ATP13A4: variants seen among roughly 807,000 people sequenced by gnomAD.
ATP13A4 encodes ATPase 13A4.
ATP13A4 carries 114 observed loss-of-function variants against 142.5 expected under a neutral mutation model. That is an observed-to-expected ratio of 0.80 (90% confidence interval 0.69 to 0.93). The LOEUF is 0.93. Ranked by LOEUF, ATP13A4 falls within the 40% of genes least tolerant of loss-of-function variation. The pLI is 0.00. For synonymous variants in ATP13A4, 488 were observed against 514.8 expected (o/e 0.95, Z 0.70); for missense variants, 1,392 against 1,454.0 (o/e 0.96, Z 0.69).
chr3:193,451,197 T>C (rs1717254849), intron 17 of ATP13A4, among the ~76,000 whole-genome samples: 1 of 152,148 alleles, frequency 6.6e-6, no homozygotes, highest in Non-Finnish European at 1.5e-5. Flanking sequence ...CTTCCAATCT[T>C]TCTCATGGTC....
rs372074888 is a variant in ATP13A4 at position 193,564,984 on chromosome 3, C to T, written n.291+16723G>A. ...TGCCTGATGAACTGTCACTGTTTCC[C>T]GTCACTCCCAGATGGCACTGTCTAG... On this transcript the variant is annotated intron_variant and non_coding_transcript_variant, in intron 2 of 3. Transcript: ENST00000489140. Among the ~76,000 whole-genome samples, 113 of 152,276 alleles carry T rather than the reference C, an allele frequency of 7.4e-4. 1 individual carries two copies. The highest frequency in any genetic ancestry group is 2.6e-3 in the African/African-American group (109 of 41,554).
intron 13 of ATP13A4, among the ~76,000 whole-genome samples, chr3:193,461,592 T>C (rs907317644): frequency 2.0e-5 from 3 of 152,238 alleles, no homozygotes; most frequent in Non-Finnish European, 2.9e-5. Flanking sequence ...CTAGATAGCA[T>C]TTTAATATGA....
chr3:193,429,492 A>T (rs1715855558), intron 25 of ATP13A4, among the ~76,000 whole-genome samples: 1 of 152,148 alleles, frequency 6.6e-6, no homozygotes, highest in Admixed American at 6.6e-5. Flanking sequence ...GATGCATGTT[A>T]CAAAATGGAT....
At position 193,514,717 on chromosome 3, in the gene ATP13A4, G is replaced by A. The variant is rs763803019; in HGVS notation, c.215C>T (p.Thr72Ile). Residue 72 changes from threonine to isoleucine, a missense_variant, in exon 2 of 30, where the codon ACT (threonine) becomes ATT (isoleucine). Transcript: ENST00000342695. The part of the protein sequence containing the change: ...CVPCSLQEAD[T>I]VLLRTTDEFQ... ...ACTTACCGTTGTCCTCAGCAACACAGTGTCTGCTTCTTGCAAGGAACATGG... is the reference window on the plus strand; with the variant it reads ...ACTTACCGTTGTCCTCAGCAACACAATGTCTGCTTCTTGCAAGGAACATGG... 2.5e-6 allele frequency: 4 copies of A among 1,614,172 alleles called. No homozygotes were observed. The highest frequency in any genetic ancestry group is 3.4e-6 in the Non-Finnish European group (4 of 1,180,034).
chr3:193,457,222 C>T (rs965970972), intron 15 of ATP13A4, 69 bp from the exon 16 acceptor site: 1 of 1,594,808 alleles, frequency 6.3e-7, no homozygotes, highest in Non-Finnish European at 8.6e-7. Context: ...ATTAACCACT[C>T]CTTCCGTAAT....
chr3:193,483,779 G>C (rs920174705), intron 8 of ATP13A4, among the ~76,000 whole-genome samples, 157 bp downstream of exon 8: 2 of 151,108 alleles, frequency 1.3e-5, no homozygotes, highest in East Asian at 3.9e-4. Flanking sequence ...TAGTTTTTAA[G>C]GTAAAAAAAA....
chr3:193,512,094 CT>C (rs1721170432), intron 2 of ATP13A4, among the ~76,000 whole-genome samples: 1 of 152,218 alleles, frequency 6.6e-6, no homozygotes, highest in South Asian at 2.1e-4. Flanking sequence ...ATCTGAAGAG[CT>C]TGCTGATGGA....
chr3:193,528,266 C>T (rs1347497716), intron 1 of ATP13A4, among the ~76,000 whole-genome samples: 1 of 152,238 alleles, frequency 6.6e-6, no homozygotes, highest in Non-Finnish European at 1.5e-5. Context: ...GCTACTGTGC[C>T]ATATTGATCA....
At chr3:193,426,988 A>G (rs1378417770) in intron 25 of ATP13A4, among the ~76,000 whole-genome samples, 2 of 152,026 alleles carry the variant, frequency 1.3e-5, no homozygotes, top group Non-Finnish European at 1.5e-5. Context: ...ACATAAATAA[A>G]TAAATAGGAC....
chr3:193,571,983 T>C (rs774741641), intron 2 of ATP13A4, among the ~76,000 whole-genome samples: 5 of 152,146 alleles, frequency 3.3e-5, no homozygotes, highest in Non-Finnish European at 7.3e-5. Flanking sequence ...ACCATACTAA[T>C]GTAAGATGTT....
intron 2 of ATP13A4, among the ~76,000 whole-genome samples, chr3:193,507,419 G>GA: frequency 6.6e-6 from 1 of 151,666 alleles, no homozygotes; most frequent in East Asian, 1.9e-4. Context: ...CTTTTAGTTG[G>GA]AAAAAAGTTG....
intron 18 of ATP13A4, among the ~76,000 whole-genome samples, chr3:193,444,881 G>C (rs921670418): frequency 1.3e-5 from 2 of 152,214 alleles, no homozygotes; most frequent in African/African-American, 4.8e-5. Flanking sequence ...GATACAGGGA[G>C]CCCTGAGCGC....
chr3:193,421,283 A>G (rs1456615444), intron 25 of ATP13A4, among the ~76,000 whole-genome samples: 1 of 149,644 alleles, frequency 6.7e-6, no homozygotes, highest in East Asian at 2.1e-4. Context: ...GCTGAAAGAA[A>G]ATAAAAACTG....
chr3:193,567,114 G>A (rs1334347840), intron 2 of ATP13A4, among the ~76,000 whole-genome samples: 2 of 152,004 alleles, frequency 1.3e-5, no homozygotes, highest in Non-Finnish European at 2.9e-5. Context: ...CCATATAATA[G>A]AATATTATGC....
chr3:193,469,361 C>T (rs1718483541), intron 9 of ATP13A4, among the ~76,000 whole-genome samples: 1 of 152,200 alleles, frequency 6.6e-6, no homozygotes. Flanking sequence ...CACAGTGGCT[C>T]ATGCCTGTAA....
At chr3:193,505,815 C>A (rs1273697826) in intron 2 of ATP13A4, among the ~76,000 whole-genome samples, 1 of 152,162 alleles carries the variant, frequency 6.6e-6, no homozygotes, top group African/African-American at 2.4e-5. Context: ...TCATTGACTT[C>A]TCAGTTTTCA....
At chr3:193,555,002 G>T, upstream of ATP13A4, 2 of 1,335,438 alleles carry the variant, frequency 1.5e-6, no homozygotes, top group Non-Finnish European at 2.0e-6. Flanking sequence ...GTCGCCCTCT[G>T]CTAGGAGGAA....
chr3:193,457,252 G>A, intron 15 of ATP13A4, 99 bp from the exon 16 acceptor site: 1 of 1,580,506 alleles, frequency 6.3e-7, no homozygotes, highest in Non-Finnish European at 8.7e-7. Flanking sequence ...AACAAATAAG[G>A]GGGAAGGTCT....
At chr3:193,431,078 G>C (rs533380743) in intron 25 of ATP13A4, among the ~76,000 whole-genome samples, 1 of 152,038 alleles carries the variant, frequency 6.6e-6, no homozygotes, top group East Asian at 1.9e-4. Flanking sequence ...GGATGTGATG[G>C]GTGAAGAAAC....
Sources: gnomAD v4.1 joint callset for allele counts (sites outside exome capture counted in the v4.1 genomes callset) on GRCh38, gnomAD v4.1.1 for gene constraint, MANE v1.5 for transcripts, NCBI Gene and HGNC (gene_info 2026-07-23, HGNC 2026-07-21) for gene names.